SGSM3: variants seen among roughly 807,000 people sequenced by gnomAD.
SGSM3 encodes the protein RUN and SH3 containing 3.
SGSM3 carries 96 observed loss-of-function variants against 100.5 expected under a neutral mutation model. The ratio of observed to expected loss-of-function variants is 0.96; its 90% CI spans 0.81 to 1.13. The LOEUF (loss-of-function observed/expected upper bound fraction) is 1.13, where lower values mean the gene tolerates loss of function less well. Among genes scored for constraint, SGSM3 ranks in the 50% most tolerant of loss-of-function variants. The pLI is 0.00. For missense variants in SGSM3, 1,001 were observed against 1,015.8 expected (o/e 0.99, Z 0.20); for synonymous variants, 483 against 422.8 (o/e 1.14, Z -1.75).
chr22:40,378,810 C>T (rs1211427301), intron 1 of SGSM3, among the ~76,000 whole-genome samples: 1 of 152,108 alleles, frequency 6.6e-6, no homozygotes, highest in Non-Finnish European at 1.5e-5. Context: ...ATTCTGAGAT[C>T]GTGATTCTCT....
chr22:40,397,056 ACT>A (rs1370377060), intron 1 of SGSM3, among the ~76,000 whole-genome samples: 5 of 152,120 alleles, frequency 3.3e-5, no homozygotes, highest in Non-Finnish European at 5.9e-5. Context: ...GACGTGGCTA[ACT>A]CTCTGGGCTG....
chr22:40,407,495 G>A lies in SGSM3; in HGVS notation c.1451G>A (p.Arg484Gln), dbSNP rs373835375. ...GCGTGCTCACGCAGCCACCGGCGCC[G>A]AGCCAAGGCCCTGCTGGACTTTGAG... ...YVACSRSHRR[R>Q]AKALLDFERH... is the part of the protein sequence containing the mutation. The change falls in exon 13 of 22, where the codon CGA becomes CAA. Residue 484 changes from arginine to glutamine, a missense_variant. Transcript: ENST00000248929. This position sits in a 1 kb window ranked among gnomAD's most constrained non-coding sequence, Gnocchi z 4.7. The A allele has an allele frequency of 1.1e-5, 18 of 1,610,884 alleles. No homozygotes were observed. In the African/African-American group the frequency reaches 1.2e-4, roughly 11 times the overall value.
intron 1 of SGSM3, chr22:40,376,228 C>T (rs926655604): frequency 8.8e-6 from 1 of 114,160 alleles, no homozygotes; most frequent in Admixed American, 1.1e-4. Context: ...GGAAACAGTA[C>T]GGTAGTCGGA....
At chr22:40,409,642 T>C (rs370328363) in intron 21 of SGSM3, 40 bp from the exon 22 acceptor site, 3 of 1,613,322 alleles carry the variant, frequency 1.9e-6, no homozygotes, top group African/African-American at 1.3e-5. Context: ...ACCCCAGCCA[T>C]GCCCAAGGCC....
chr22:40,388,269 G>A (rs1316865347), intron 1 of SGSM3: 1 of 152,238 alleles, frequency 6.6e-6, no homozygotes, highest in Non-Finnish European at 1.5e-5. Context: ...AATTACTAGG[G>A]TAACCGGAGG....
intron 4 of SGSM3, 127 bp from the exon 5 acceptor site, chr22:40,404,120 G>C (rs1009725979): frequency 2.8e-6 from 2 of 706,930 alleles, no homozygotes; most frequent in African/African-American, 3.6e-5. Context: ...ATGGGAATCT[G>C]GATATGGTGG....
At chr22:40,402,103 G>A in intron 3 of SGSM3, 36 bp from the exon 4 acceptor site, 2 of 1,553,504 alleles carry the variant, frequency 1.3e-6, no homozygotes, top group Non-Finnish European at 1.8e-6. Context: ...CCAACTAGGG[G>A]ACAGGCAACT....
At chr22:40,383,408 A>G (rs1309819030) in intron 1 of SGSM3, among the ~76,000 whole-genome samples, 1 of 151,060 alleles carries the variant, frequency 6.6e-6, no homozygotes. Flanking sequence ...TGGAGCTCGC[A>G]GTGAGCCGAG....
At chr22:40,409,141 A>G in intron 19 of SGSM3, 109 bp from the exon 20 acceptor site, 1 of 1,557,290 alleles carries the variant, frequency 6.4e-7, no homozygotes. Context: ...TCCTTCCCCA[A>G]AGAGGGTGGT....
intron 1 of SGSM3, among the ~76,000 whole-genome samples, chr22:40,383,176 C>A (rs1446363761): frequency 6.6e-6 from 1 of 152,090 alleles, no homozygotes; most frequent in African/African-American, 2.4e-5. Context: ...AGATAGAAGT[C>A]AGTAGGAACG....
At chr22:40,393,069 G>C (rs1443604240) in intron 1 of SGSM3, among the ~76,000 whole-genome samples, 1 of 152,166 alleles carries the variant, frequency 6.6e-6, no homozygotes, top group Non-Finnish European at 1.5e-5. Context: ...GCTACATTTT[G>C]TTTATCCATC....
intron 1 of SGSM3, among the ~76,000 whole-genome samples, chr22:40,394,970 T>C (rs971790199): frequency 1.4e-4 from 22 of 152,242 alleles, no homozygotes; most frequent in African/African-American, 5.3e-4. Flanking sequence ...TAATAATAAC[T>C]GGCATTTATT....
Position 40,406,145 on chromosome 22 carries a change from C to T in SGSM3, c.882C>T (p.Leu294=), listed in dbSNP as rs1360075997. ...AFASVVDIKL[L]LRIWDLFFYE... The stretch of plus-strand genomic sequence containing the variant: ...CCAGCGTGGTGGACATCAAGCTGCT[C>T]CTGCGCATCTGGGACCTGTTTTTCT... The change falls in exon 9 of 22, where the codon CTC becomes CTT. Residue 294 remains leucine, a synonymous_variant. Coordinates refer to ENST00000248929, the MANE Select transcript of SGSM3 (RefSeq NM_015705.6). 6.8e-6 allele frequency: 11 copies of T among 1,614,016 alleles called. No individual in the cohort carries two copies. The highest frequency in any genetic ancestry group is 2.2e-5 in the South Asian group (2 of 91,092).
rs776495862 is a variant in SGSM3, at chr22:40,407,874, A to G, written c.1579+31A>G. Reference sequence around the variant, plus strand: ...GTCCTTGGTCTGCTCTTGAGCTGGGAGAGGGAGGAGGGGGTGGGCACAGAA... The same window carrying G: ...GTCCTTGGTCTGCTCTTGAGCTGGGGGAGGGAGGAGGGGGTGGGCACAGAA... On this transcript the variant is annotated intron_variant, in intron 14 of 21. Coordinates refer to ENST00000248929, the MANE Select transcript of SGSM3 (RefSeq NM_015705.6). The surrounding 1 kb of genome is among the most constrained non-coding windows in gnomAD (Gnocchi z 4.7). 1 of 1,561,184 alleles carries G rather than the reference A, an allele frequency of 6.4e-7. No individual in the cohort carries two copies. The highest frequency in any genetic ancestry group is 8.8e-7 in the Non-Finnish European group (1 of 1,139,374).
chr22:40,389,431 C>T lies in SGSM3; in HGVS notation c.-111-11265C>T, dbSNP rs942795125. On this transcript the variant is annotated intron_variant, in intron 1 of 21. Coordinates refer to ENST00000248929, the MANE Select transcript of SGSM3 (RefSeq NM_015705.6). ...CGGCTAACACGGTGAAACCCCGTCTCTACTAAAAATACAAAAAATTAGCCG... is the reference window on the plus strand; with the variant it reads ...CGGCTAACACGGTGAAACCCCGTCTTTACTAAAAATACAAAAAATTAGCCG... 1.1e-4 allele frequency among the ~76,000 whole-genome samples: 16 copies of T among 150,582 alleles called. No homozygotes were observed. In the East Asian group the frequency reaches 2.8e-3, roughly 26 times the overall value.
intron 16 of SGSM3, 86 bp from the exon 17 acceptor site, chr22:40,408,541 C>T (rs1166700182): frequency 1.1e-5 from 17 of 1,586,896 alleles, no homozygotes; most frequent in East Asian, 4.5e-5. Context: ...GAGCTGGCAG[C>T]GTGGTGACAG....
chr22:40,404,178 A>T, intron 4 of SGSM3, 69 bp from the exon 5 acceptor site: 1 of 1,333,174 alleles, frequency 7.5e-7, no homozygotes, highest in East Asian at 2.4e-5. Context: ...CTGAAGACGG[A>T]GGCTTGGCTG....
intron 1 of SGSM3, among the ~76,000 whole-genome samples, chr22:40,378,704 G>C (rs973826576): frequency 1.3e-5 from 2 of 152,034 alleles, no homozygotes; most frequent in Admixed American, 1.3e-4. Context: ...CAGCCTGGGT[G>C]ACAGAGCGAG....
intron 1 of SGSM3, among the ~76,000 whole-genome samples, chr22:40,385,066 T>C (rs1423665699): frequency 6.6e-6 from 1 of 152,166 alleles, no homozygotes; most frequent in Non-Finnish European, 1.5e-5. Context: ...AAAAACAATA[T>C]GGTCTGTGCC....
Sources: gnomAD v4.1 joint callset for allele counts (sites outside exome capture counted in the v4.1 genomes callset) on GRCh38, gnomAD v4.1.1 for gene constraint, Gnocchi (gnomAD v3.1) non-coding constraint, MANE v1.5 for transcripts, NCBI Gene and HGNC (gene_info 2026-07-23, HGNC 2026-07-21) for gene names.